The following ZNF280D variants were observed in gnomAD, a reference collection of about 807,000 sequenced individuals.
ZNF280D encodes the protein suppressor of hairy wing homolog 4.
A neutral mutation model predicts 94.7 loss-of-function variants in ZNF280D; 39 were observed. The ratio of observed to expected loss-of-function variants is 0.41; its 90% confidence interval spans 0.32 to 0.54. The LOEUF is 0.54. Ranked by LOEUF, ZNF280D falls within the 20% of genes least tolerant of loss-of-function variation. The pLI, the probability that ZNF280D is intolerant of heterozygous loss-of-function variation, is 0.22. For synonymous variants in ZNF280D, 398 were observed against 377.6 expected, an observed-to-expected ratio of 1.05 and a Z score of -0.63; for missense variants, 1,090 against 1,149.3, an observed-to-expected ratio of 0.95 and a Z score of 0.75.
chr15:56,730,022 T>C (rs1289426460), intron 1 of ZNF280D: 1 of 152,204 alleles, frequency 6.6e-6, no homozygotes, highest in African/African-American at 2.4e-5. Flanking sequence ...TTGTTTTACA[T>C]TATGCTTTAT....
chr15:56,684,285 G>A (rs772180735), intron 9 of ZNF280D, among the ~76,000 whole-genome samples: 4 of 152,070 alleles, frequency 2.6e-5, no homozygotes, highest in Admixed American at 6.6e-5. Flanking sequence ...AACACTATAG[G>A]CACTCACATC....
In ZNF280D at chr15:56,733,465, G is replaced by C. The variant is rs970145093; in HGVS notation, c.-93C>G. 2.8e-6 allele frequency: 3 copies of C among 1,081,566 alleles called. No individual in the cohort carries two copies. The highest frequency in any genetic ancestry group is 1.7e-5 in the African/African-American group (1 of 57,692). 67.0% of individuals were successfully genotyped at this position (1,081,566 alleles called of 1,614,324 possible). A position where few individuals can be genotyped will look rare whatever the true frequency, so the allele number is the denominator to read the frequency against. ...GGGCGGGGGGGCGCTTACCGTGAGCGGAGCGGATCGGCCTGACTGGAGCCC... is the reference window on the plus strand; with the variant it reads ...GGGCGGGGGGGCGCTTACCGTGAGCCGAGCGGATCGGCCTGACTGGAGCCC... On this transcript the variant is annotated 5_prime_UTR_variant, in exon 1 of 22. Coordinates refer to ENST00000267807, the MANE Select transcript of ZNF280D (RefSeq NM_017661.4).
chr15:56,638,058 G>A (rs1438890166), intron 20 of ZNF280D, among the ~76,000 whole-genome samples: 5 of 152,050 alleles, frequency 3.3e-5, no homozygotes. Context: ...TGAATATCTA[G>A]ACTAGAGTTT....
chr15:56,723,832 A>G lies in ZNF280D; in HGVS notation c.-86+9626T>C, dbSNP rs570776225. ...CAGCTTGTGATGGGGTAATGATTAA[A>G]CCCATCATTAGCTGAAAATATCGTA... On this transcript the variant is annotated intron_variant, in intron 1 of 21. Coordinates refer to ENST00000267807, the MANE Select transcript of ZNF280D (RefSeq NM_017661.4). 9.0e-4 allele frequency among the ~76,000 whole-genome samples: 128 copies of G among 142,474 alleles called. 1 individual carries two copies. Among genetic ancestry groups the G allele is most frequent in the African/African-American group, 3.1e-3 (123 of 40,096 alleles). The allele number at this position is 142,474 out of a possible 152,430, so 93.5% of individuals were successfully genotyped here. A position where few individuals can be genotyped will look rare whatever the true frequency, so the allele number is the denominator to read the frequency against.
chr15:56,663,304 A>T (rs1221668610), intron 16 of ZNF280D, among the ~76,000 whole-genome samples: 2 of 150,834 alleles, frequency 1.3e-5, no homozygotes, highest in East Asian at 3.9e-4. Flanking sequence ...AAAAAAGGAA[A>T]AAAGAAAGAA....
chr15:56,712,188 A>G (rs1209487699), intron 1 of ZNF280D, among the ~76,000 whole-genome samples: 1 of 152,210 alleles, frequency 6.6e-6, no homozygotes, highest in Non-Finnish European at 1.5e-5. Context: ...TTCTAAACTA[A>G]TTAAAATATA....
intron 1 of ZNF280D, among the ~76,000 whole-genome samples, chr15:56,714,518 A>C (rs1270986471): frequency 6.6e-6 from 1 of 152,186 alleles, no homozygotes; most frequent in Non-Finnish European, 1.5e-5. Flanking sequence ...GGCAAAGAGA[A>C]GGGAAAAGGT....
chr15:56,666,900 G>A lies in ZNF280D; in HGVS notation c.1632C>T (p.Leu544=). The stretch of plus-strand genomic sequence containing the variant: ...TTATATTTTTAGTCCTTGGAGGTGA[G>A]AGCTGAAGGGTAGAAGCACTTGCAC... ...SISASASTLQ[L]SPPRTKNITA... Residue 544 remains leucine, a synonymous_variant, in exon 15 of 22, where the codon CTC becomes CTT. Transcript: ENST00000267807. 6.2e-7 allele frequency: 1 copy of A among 1,613,718 alleles called. No individual in the cohort carries two copies. Among genetic ancestry groups the A allele is most frequent in the Non-Finnish European group, 8.5e-7 (1 of 1,179,830 alleles).
chr15:56,669,034 T>C (rs2054495269), intron 13 of ZNF280D, 77 bp from the exon 14 acceptor site: 2 of 1,351,246 alleles, frequency 1.5e-6, no homozygotes, highest in East Asian at 4.7e-5. Context: ...ACTGCTGACT[T>C]AATTTTAATG....
chr15:56,694,501 G>T (rs1180090447), intron 6 of ZNF280D, among the ~76,000 whole-genome samples: 2 of 151,846 alleles, frequency 1.3e-5, no homozygotes, highest in African/African-American at 2.4e-5. Context: ...GAAAAATATG[G>T]GCAAAGGACA....
chr15:56,704,259 T>C lies in ZNF280D; in HGVS notation c.37A>G (p.Lys13Glu), dbSNP rs1270763947. The C allele has an allele frequency of 3.7e-6, 6 of 1,603,396 alleles. No individual in the cohort carries two copies. The highest frequency in any genetic ancestry group is 1.1e-5 in the South Asian group (1 of 87,668). Reference sequence around the variant, plus strand: ...CATTCCATAAACAGTTCTGCCATTTTTGAATTACCTAATTTTCAAAAGGAG... The same window carrying C: ...CATTCCATAAACAGTTCTGCCATTTCTGAATTACCTAATTTTCAAAAGGAG... The part of the protein sequence containing the change: ...DNPFQPKSNS[K>E]MAELFMECEE... Residue 13 changes from lysine to glutamate, a missense_variant, in exon 4 of 22, where the codon AAA (lysine) becomes GAA (glutamate). Physicochemically the swap from Lys to Glu is moderately conservative, Grantham distance 56. Coordinates refer to ENST00000267807, the MANE Select transcript of ZNF280D (RefSeq NM_017661.4).
chr15:56,643,182 A>ATACT, intron 19 of ZNF280D, 185 bp from the exon 20 acceptor site: 1 of 375,436 alleles, frequency 2.7e-6, no homozygotes, highest in Middle Eastern at 7.1e-4. Flanking sequence ...ATGAGACTAA[A>ATACT]TAGTAGATTC....
chr15:56,649,776 C>T (rs1170283014), intron 19 of ZNF280D, among the ~76,000 whole-genome samples: 3 of 151,916 alleles, frequency 2.0e-5, no homozygotes, highest in Non-Finnish European at 4.4e-5. Flanking sequence ...TATATATCTT[C>T]AATGGTCACA....
chr15:56,652,034 C>T (rs1402193430), intron 19 of ZNF280D, among the ~76,000 whole-genome samples: 2 of 125,534 alleles, frequency 1.6e-5, no homozygotes, highest in Admixed American at 8.4e-5. Context: ...TTCCTAGAGA[C>T]AAATAAGAAA....
At chr15:56,677,461 G>T in intron 12 of ZNF280D, 113 bp downstream of exon 12, 1 of 679,830 alleles carries the variant, frequency 1.5e-6, no homozygotes, top group South Asian at 1.5e-5. Context: ...TAATGCATAA[G>T]TTATGCCAAG....
At position 56,682,549 on chromosome 15, in the gene ZNF280D, T is replaced by C. The variant is rs942286480; in HGVS notation, c.781-72A>G. The C allele has an allele frequency of 4.0e-6, 4 of 999,452 alleles. No homozygotes were observed. In the Admixed American group the frequency reaches 1.0e-4, roughly 25 times the overall value. 61.9% of individuals were successfully genotyped at this position (999,452 alleles called of 1,614,324 possible). ...AAAAAAACCACATACCAAAAAGTGA[T>C]TGTGTGTTTACACCTAAGGCCAGAC... On this transcript the variant is annotated intron_variant, in intron 9 of 21. Transcript: ENST00000267807.
chr15:56,686,434 C>T (rs1284467194), intron 9 of ZNF280D, among the ~76,000 whole-genome samples: 3 of 152,050 alleles, frequency 2.0e-5, no homozygotes, highest in African/African-American at 4.8e-5. Flanking sequence ...CCATGACTCC[C>T]GGCCTCATAA....
At chr15:56,673,807 A>G (rs530633479) in intron 13 of ZNF280D, among the ~76,000 whole-genome samples, 5 of 151,818 alleles carry the variant, frequency 3.3e-5, no homozygotes, top group Non-Finnish European at 7.4e-5. Context: ...ATATAATGTC[A>G]CCTCTCCGAG....
At chr15:56,698,383 G>C (rs1407685428) in intron 6 of ZNF280D, 2 of 152,122 alleles carry the variant, frequency 1.3e-5, no homozygotes, top group Admixed American at 1.3e-4. Context: ...GGTGGCAAAT[G>C]AGTTTTCCAA....
Sources: gnomAD v4.1 joint callset for allele counts (sites outside exome capture counted in the v4.1 genomes callset) on GRCh38, gnomAD v4.1.1 for gene constraint, MANE v1.5 for transcripts, NCBI Gene and HGNC (gene_info 2026-07-23, HGNC 2026-07-21) for gene names.